The following GPHN variants were observed in gnomAD, a reference collection of about 807,000 sequenced individuals.
The protein encoded by GPHN is gephyrin.
GPHN carries 17 observed loss-of-function variants against 95.5 expected under a neutral mutation model. The ratio of observed to expected loss-of-function variants is 0.18; its 90% CI spans 0.12 to 0.27. The LOEUF (loss-of-function observed/expected upper bound fraction) is 0.27. GPHN is among the 10% of genes least tolerant of loss of function. The pLI, the probability that GPHN is intolerant of heterozygous loss-of-function variation, is 1.00. For synonymous variants in GPHN, 320 were observed against 322.5 expected (o/e 0.99, Z 0.08); for missense variants, 660 against 978.1 (o/e 0.67, Z 4.34).
At chr14:67,153,296 C>A (rs917538488) in intron 18 of GPHN, among the ~76,000 whole-genome samples, 6 of 152,284 alleles carry the variant, frequency 3.9e-5, no homozygotes, top group South Asian at 4.1e-4. Context: ...ACAAAAAATA[C>A]CATAAAATGG....
chr14:67,672,447 CTT>C, the GPHN span, among the ~76,000 whole-genome samples: 19 of 116,810 alleles, frequency 1.6e-4, no homozygotes, highest in Admixed American at 2.8e-4. Context: ...CTTTTCTTTT[CTT>C]TTTTTTTTTT....
At chr14:67,405,371 A>G in the GPHN span, among the ~76,000 whole-genome samples, 1 of 152,124 alleles carries the variant, frequency 6.6e-6, no homozygotes. Flanking sequence ...TCCTGATGAG[A>G]TGATTAGGGA....
At chr14:67,193,566 T>TATATAGATCTATATATAGATATAG in the GPHN span, among the ~76,000 whole-genome samples, 2 of 144,202 alleles carry the variant, frequency 1.4e-5, no homozygotes, top group African/African-American at 2.5e-5. Context: ...GATCTATATC[T>TATATAGATCTATATATAGATATAG]ATATAGATCT....
chr14:66,673,050 C>A (rs1371803054), intron 1 of GPHN, among the ~76,000 whole-genome samples: 1 of 151,946 alleles, frequency 6.6e-6, no homozygotes, highest in Non-Finnish European at 1.5e-5. Flanking sequence ...TTGAATTTCT[C>A]TTTTGTCATA....
chr14:66,928,815 T>G (rs1438577775), intron 8 of GPHN, among the ~76,000 whole-genome samples: 2 of 152,190 alleles, frequency 1.3e-5, no homozygotes, highest in Non-Finnish European at 2.9e-5. Context: ...TTCCGTATGT[T>G]TGTATCATTT....
the GPHN span, among the ~76,000 whole-genome samples, chr14:67,669,419 A>G: frequency 6.6e-6 from 1 of 150,556 alleles, no homozygotes; most frequent in African/African-American, 2.5e-5. Context: ...ACAAGTGAGC[A>G]GCACCACACT....
At chr14:67,589,993 T>C in the GPHN span, 2 of 1,462,976 alleles carry the variant, frequency 1.4e-6, no homozygotes, top group South Asian at 1.4e-5. Context: ...TGTGTCCACC[T>C]GATGGTTTGG....
intron 2 of GPHN, among the ~76,000 whole-genome samples, chr14:66,743,159 G>A (rs2072940285): frequency 6.6e-6 from 1 of 151,092 alleles, no homozygotes; most frequent in African/African-American, 2.5e-5. Context: ...TACATCTGAG[G>A]GACCTGATTC....
chr14:67,437,867 G>A, the GPHN span, among the ~76,000 whole-genome samples: 1 of 152,046 alleles, frequency 6.6e-6, no homozygotes, highest in African/African-American at 2.4e-5. Context: ...AGGTTTTGCT[G>A]GTCTTTAGGC....
the GPHN span, among the ~76,000 whole-genome samples, chr14:67,193,596 T>G: frequency 3.0e-3 from 441 of 144,680 alleles, no homozygotes; most frequent in Non-Finnish European, 5.1e-3. Context: ...TATAGATATA[T>G]ATCTATAGAT....
intron 10 of GPHN, among the ~76,000 whole-genome samples, chr14:67,040,523 T>C (rs1267504965): frequency 6.6e-6 from 1 of 152,210 alleles, no homozygotes; most frequent in East Asian, 1.9e-4. Flanking sequence ...TCAGTTTTTC[T>C]AATAATGTTC....
chr14:66,795,980 CT>C (rs986541040), intron 3 of GPHN, among the ~76,000 whole-genome samples: 3 of 152,106 alleles, frequency 2.0e-5, no homozygotes, highest in African/African-American at 7.2e-5. Flanking sequence ...ACCTTACCCT[CT>C]CCCCCTCTAC....
chr14:67,161,637 T>G (rs2081987749), intron 19 of GPHN, among the ~76,000 whole-genome samples: 1 of 152,122 alleles, frequency 6.6e-6, no homozygotes, highest in Non-Finnish European at 1.5e-5. Context: ...GGCACATGCC[T>G]GTAGTCCCAG....
chr14:67,709,887 G>A, the GPHN span, among the ~76,000 whole-genome samples: 1 of 152,122 alleles, frequency 6.6e-6, no homozygotes, highest in East Asian at 1.9e-4. Flanking sequence ...ATCTCAAGCT[G>A]GAAACTGCTT....
At chr14:67,172,252 C>T (rs1192180031) in intron 21 of GPHN, among the ~76,000 whole-genome samples, 3 of 152,200 alleles carry the variant, frequency 2.0e-5, no homozygotes, top group East Asian at 1.9e-4. Flanking sequence ...CCCAGCCCGC[C>T]GCCCGCCGCA....
the GPHN span, among the ~76,000 whole-genome samples, chr14:67,313,854 G>A: frequency 1.3e-5 from 2 of 150,730 alleles, no homozygotes; most frequent in South Asian, 4.2e-4. Context: ...TACTGTATAT[G>A]CTCAGTTTAT....
intron 5 of GPHN, among the ~76,000 whole-genome samples, chr14:66,915,160 A>G (rs1313023261): frequency 6.6e-6 from 1 of 152,206 alleles, no homozygotes; most frequent in Non-Finnish European, 1.5e-5. Flanking sequence ...TATTTCAGAG[A>G]ATAAGAGTGG....
the GPHN span, among the ~76,000 whole-genome samples, chr14:67,191,297 T>A: frequency 6.6e-6 from 1 of 152,122 alleles, no homozygotes; most frequent in Admixed American, 6.6e-5. Context: ...AGAATCCAGG[T>A]AGTTGGTTTC....
chr14:67,135,054 G>A lies in GPHN; in HGVS notation c.1749-8308G>A, dbSNP rs535477472. ...AGCTTACTGCAACCTCCATCTCCCA[G>A]GTTCAAGTGATCCTCCTGCCTCAGT... On this transcript the variant is annotated intron_variant, in intron 17 of 22. Coordinates refer to ENST00000478722, the MANE Select transcript of GPHN (RefSeq NM_020806.5). Among the ~76,000 whole-genome samples, 93 of 139,334 alleles carry A rather than the reference G, an allele frequency of 6.7e-4. No individual in the cohort carries two copies. In the Middle Eastern group the frequency reaches 0.031, roughly 47 times the overall value. 91.4% of individuals were successfully genotyped at this position (139,334 alleles called of 152,430 possible).
Sources: gnomAD v4.1 joint callset for allele counts (sites outside exome capture counted in the v4.1 genomes callset) on GRCh38, gnomAD v4.1.1 for gene constraint, MANE v1.5 for transcripts, NCBI Gene and HGNC (gene_info 2026-07-23, HGNC 2026-07-21) for gene names.